XG: variants seen among roughly 807,000 people sequenced by gnomAD.
The protein encoded by XG is glycoprotein Xg.
In XG, 24 loss-of-function variants were observed where a neutral mutation model predicts 25.7. The ratio of observed to expected loss-of-function variants is 0.93; its 90% CI spans 0.68 to 1.31. The LOEUF (loss-of-function observed/expected upper bound fraction) is 1.31. Among genes scored for constraint, XG ranks in the 40% most tolerant of loss-of-function variants. The pLI is 0.00. For missense variants in XG, 181 were observed against 187.6 expected (o/e 0.96, Z 0.21); for synonymous variants, 77 against 69.2 (o/e 1.11, Z -0.56).
At position 2,777,556 on chromosome X, in the gene XG, G is replaced by GC. The variant is rs1316477995; in HGVS notation, c.127+2818dup. 9.9e-5 allele frequency among the ~76,000 whole-genome samples: 15 copies of GC among 152,168 alleles called. No homozygotes were observed. The East Asian group carries it at 2.9e-3, about 29-fold the overall frequency. ...TGCAGTGAGCTGAGATTGCGCCACT[G>GC]CACTTCCGCCTGGGTGGCAGAGCCA... On this transcript the variant is annotated intron_variant, in intron 3 of 10. Coordinates refer to ENST00000644266, the MANE Select transcript of XG (RefSeq NM_001141919.2).
chrX:2,764,989 C>T (rs150910736), intron 1 of XG, among the ~76,000 whole-genome samples: 6,231 of 129,492 alleles, frequency 0.048, 433 homozygotes, highest in African/African-American at 0.17. Flanking sequence ...TGTAGTGAGC[C>T]GAGAGTGCGC....
In XG at chrX:2,815,039, G is replaced by T. The variant is rs1205339040; in HGVS notation, c.*659G>T. ...TGACTGATGTTAAAACCATCTGGGG[G>T]AAATCTTGGGATGCTTTTTCCTAGG... is the stretch of plus-strand genomic sequence containing the variant. On this transcript the variant is annotated 3_prime_UTR_variant, in exon 11 of 11. Transcript: ENST00000644266. 1 of 111,578 alleles carries T rather than the reference G, an allele frequency of 9.0e-6. No individual in the cohort carries two copies. The highest frequency in any genetic ancestry group is 1.9e-5 in the Non-Finnish European group (1 of 53,156). The allele number at this position is 111,578 out of a possible 1,213,427, so 9.2% of individuals were successfully genotyped here.
intron 6 of XG, 44 bp downstream of exon 6, chrX:2,794,647 A>G: frequency 8.4e-7 from 1 of 1,189,407 alleles, no homozygotes; most frequent in Non-Finnish European, 1.1e-6. Context: ...GAATTTGCAC[A>G]GAGAGGGTGG....
intron 1 of XG, among the ~76,000 whole-genome samples, chrX:2,766,730 A>C (rs2050705180): frequency 4.7e-5 from 7 of 147,864 alleles, no homozygotes; most frequent in Admixed American, 4.1e-4. Context: ...ACACCCGGCT[A>C]ATTTTTTTGT....
chrX:2,757,483 A>G (rs185791403), intron 1 of XG, among the ~76,000 whole-genome samples: 4 of 151,876 alleles, frequency 2.6e-5, no homozygotes, highest in African/African-American at 4.8e-5. Flanking sequence ...GTGCATTTGT[A>G]TAGAGCTGTG....
intron 3 of XG, among the ~76,000 whole-genome samples, chrX:2,776,112 T>G (rs2050983444): frequency 6.7e-6 from 1 of 149,474 alleles, no homozygotes; most frequent in Non-Finnish European, 1.5e-5. Context: ...ACACGGTATG[T>G]TGTACCTGAG....
chrX:2,776,387 G>A (rs1435834854), intron 3 of XG, among the ~76,000 whole-genome samples: 2 of 152,234 alleles, frequency 1.3e-5, no homozygotes, highest in Admixed American at 6.6e-5. Context: ...TGATAGACGC[G>A]GGGCTTTGGG....
chrX:2,783,541 C>T (rs2086753284), intron 4 of XG, among the ~76,000 whole-genome samples: 1 of 112,738 alleles, frequency 8.9e-6, no homozygotes, highest in African/African-American at 3.2e-5. Flanking sequence ...GTAGTTTGCT[C>T]TGGCTTTAAA....
intron 8 of XG, among the ~76,000 whole-genome samples, chrX:2,807,133 CTG>C (rs10633727): frequency 2.3e-4 from 26 of 111,865 alleles, no homozygotes; most frequent in African/African-American, 8.5e-4. Flanking sequence ...GTGCAAGTGT[CTG>C]TGCACACATG....
chrX:2,773,520 A>AGGG lies in XG; in HGVS notation c.104-1196_104-1195insGGG, dbSNP rs1491164400. Among the ~76,000 whole-genome samples, 71 of 137,904 alleles carry AGGG rather than the reference A, an allele frequency of 5.1e-4. 6 individuals carry two copies. The highest frequency in any genetic ancestry group is 7.9e-4 in the Admixed American group (11 of 13,848). The allele number at this position is 137,904 out of a possible 152,430, so 90.5% of individuals were successfully genotyped here. ...GAAGGAGAGAAGGAAGGAAGGAGAGAAGGAAGGAAGGAGAGAAGGAAGGAA... is the reference window on the plus strand; with the variant it reads ...GAAGGAGAGAAGGAAGGAAGGAGAGAGGGAGGAAGGAAGGAGAGAAGGAAGGAA... On this transcript the variant is annotated intron_variant, in intron 2 of 10. Coordinates refer to ENST00000644266, the MANE Select transcript of XG (RefSeq NM_001141919.2).
intron 1 of XG, among the ~76,000 whole-genome samples, chrX:2,753,931 G>T (rs2050381968): frequency 6.6e-6 from 1 of 152,072 alleles, no homozygotes; most frequent in South Asian, 2.1e-4. Flanking sequence ...ATTATGTGAG[G>T]TATGCAACAC....
intron 6 of XG, among the ~76,000 whole-genome samples, chrX:2,795,666 TA>T (rs1290084104): frequency 9.0e-6 from 1 of 110,733 alleles, no homozygotes; most frequent in East Asian, 2.8e-4. Context: ...TGTATTTATT[TA>T]TTTTTTTTTG....
At chrX:2,789,754 A>G (rs1414785446) in intron 5 of XG, 48 bp downstream of exon 5, 3 of 675,160 alleles carry the variant, frequency 4.4e-6, no homozygotes, top group Non-Finnish European at 5.9e-6. Flanking sequence ...ATTTTATTTT[A>G]TTTTACTATT....
At chrX:2,758,305 C>T (rs763858693) in intron 1 of XG, among the ~76,000 whole-genome samples, 4 of 152,220 alleles carry the variant, frequency 2.6e-5, no homozygotes, top group South Asian at 2.1e-4. Context: ...GTATTAAAAG[C>T]GCCACCCAGT....
chrX:2,814,357 CT>C lies in XG; in HGVS notation c.572-4del. The C allele has an allele frequency of 8.3e-7, 1 of 1,199,130 alleles. No individual in the cohort carries two copies. The highest frequency in any genetic ancestry group is 1.8e-5 in the South Asian group (1 of 54,233). ...ACAATGACATTTGTTTCTAATCTTCCTTTCAGAACCAGAAAATGTCTGAAGA... is the reference window on the plus strand; with the variant it reads ...ACAATGACATTTGTTTCTAATCTTCCTTCAGAACCAGAAAATGTCTGAAGA... On this transcript the variant is annotated splice_region_variant and splice_polypyrimidine_tract_variant and intron_variant, in intron 10 of 10. Coordinates refer to ENST00000644266, the MANE Select transcript of XG (RefSeq NM_001141919.2).
At chrX:2,766,666 G>A (rs1056373003) in intron 1 of XG, among the ~76,000 whole-genome samples, 4 of 143,226 alleles carry the variant, frequency 2.8e-5, no homozygotes, top group Non-Finnish European at 6.0e-5. Flanking sequence ...CCGGGTTCAC[G>A]CCATTCTCCT....
intron 4 of XG, among the ~76,000 whole-genome samples, chrX:2,788,812 A>G (rs757143368): frequency 4.6e-5 from 5 of 109,061 alleles, no homozygotes; most frequent in South Asian, 4.1e-4. Context: ...CTGAGATCAC[A>G]CCACTGCACT....
chrX:2,778,952 C>T (rs1181094679), intron 3 of XG, among the ~76,000 whole-genome samples: 2 of 151,740 alleles, frequency 1.3e-5, no homozygotes, highest in African/African-American at 4.8e-5. Flanking sequence ...TTAGTAGAGA[C>T]GGGGTTTCAC....
intron 1 of XG, among the ~76,000 whole-genome samples, chrX:2,770,034 G>A (rs908917367): frequency 4.2e-5 from 5 of 118,824 alleles, no homozygotes; most frequent in Admixed American, 1.7e-4. Flanking sequence ...TGGGGGGGGC[G>A]TTGGGGGGCG....
Sources: gnomAD v4.1 joint callset for allele counts (sites outside exome capture counted in the v4.1 genomes callset) on GRCh38, gnomAD v4.1.1 for gene constraint, MANE v1.5 for transcripts, NCBI Gene and HGNC (gene_info 2026-07-23, HGNC 2026-07-21) for gene names.